The following SCARB2 variants were observed in gnomAD, a reference collection of about 807,000 sequenced individuals.
SCARB2 encodes lysosome membrane protein 2.
A neutral mutation model predicts 58.6 loss-of-function variants in SCARB2; 29 were observed. That is an observed-to-expected ratio of 0.49 (90% CI 0.37 to 0.67). SCARB2 has a LOEUF of 0.67. SCARB2 is among the 30% of genes least tolerant of loss of function. SCARB2 has a pLI of 0.00. For missense variants in SCARB2, 488 were observed against 578.5 expected, an observed-to-expected ratio of 0.84 and a Z score of 1.60; for synonymous variants, 195 against 210.1, an observed-to-expected ratio of 0.93 and a Z score of 0.62.
rs887605012 is a variant in SCARB2 at position 76,195,453 on chromosome 4, T to C, written c.275+254A>G. The C allele has an allele frequency of 1.1e-4, 58 of 508,384 alleles. No individual in the cohort carries two copies. In the East Asian group the frequency reaches 1.9e-3, roughly 17 times the overall value. The allele number at this position is 508,384 out of a possible 1,614,324, so 31.5% of individuals were successfully genotyped here. The stretch of plus-strand genomic sequence containing the variant: ...GGAGTAACCCTTCATGGTTTAATAA[T>C]CACAGTCTGCCAACTCAGGAGGAAA... On this transcript the variant is annotated intron_variant, in intron 2 of 11. Transcript: ENST00000264896.
At chr4:76,201,470 C>T (rs1053983759) in intron 1 of SCARB2, among the ~76,000 whole-genome samples, 9 of 152,154 alleles carry the variant, frequency 5.9e-5, no homozygotes, top group African/African-American at 2.2e-4. Flanking sequence ...CAGATGATAC[C>T]GCAGCGTAGA....
intron 11 of SCARB2, 134 bp from the exon 12 acceptor site, chr4:76,161,885 C>T: frequency 1.3e-6 from 1 of 793,698 alleles, no homozygotes; most frequent in South Asian, 1.4e-5. Flanking sequence ...TCACTCACCT[C>T]CCCTCTTGGG....
At chr4:76,170,971 T>TAA (rs1491373124) in intron 7 of SCARB2, among the ~76,000 whole-genome samples, 39 of 133,910 alleles carry the variant, frequency 2.9e-4, no homozygotes, top group African/African-American at 8.1e-4. Flanking sequence ...TATATATATA[T>TAA]AACCAAATAG....
intron 1 of SCARB2, among the ~76,000 whole-genome samples, chr4:76,232,203 G>A (rs1461320079): frequency 6.6e-6 from 1 of 152,100 alleles, no homozygotes; most frequent in Non-Finnish European, 1.5e-5. Context: ...AAACAAGGAT[G>A]AGCAATATTC....
At chr4:76,169,271 G>T (rs1732076201) in intron 8 of SCARB2, among the ~76,000 whole-genome samples, 1 of 150,736 alleles carries the variant, frequency 6.6e-6, no homozygotes, top group South Asian at 2.1e-4. Flanking sequence ...TGGTTAGCAT[G>T]GTTTTTGTTT....
intron 2 of SCARB2, among the ~76,000 whole-genome samples, chr4:76,190,586 C>A (rs1351684577): frequency 2.0e-5 from 3 of 152,058 alleles, no homozygotes; most frequent in Non-Finnish European, 2.9e-5. Flanking sequence ...GAGTTCGAGA[C>A]CAGCCTGGTC....
chr4:76,229,597 GATT>G (rs1207520136), intron 1 of SCARB2, among the ~76,000 whole-genome samples: 1 of 152,174 alleles, frequency 6.6e-6, no homozygotes, highest in African/African-American at 2.4e-5. Flanking sequence ...TGAACTGAAT[GATT>G]ATTATTGCTC....
intron 10 of SCARB2, chr4:76,165,476 A>T (rs571353855): frequency 7.9e-5 from 12 of 152,336 alleles, no homozygotes; most frequent in East Asian, 5.8e-4. Flanking sequence ...ATCAATTTTT[A>T]AAAAAATTTC....
chr4:76,194,049 C>T (rs997976326), intron 2 of SCARB2: 7 of 152,206 alleles, frequency 4.6e-5, no homozygotes, highest in Non-Finnish European at 7.3e-5. Flanking sequence ...TGACTTCTCA[C>T]GAGATCTTGT....
chr4:76,175,519 T>C (rs1732234714), intron 6 of SCARB2: 1 of 451,176 alleles, frequency 2.2e-6, no homozygotes, highest in African/African-American at 2.0e-5. Context: ...ATCTTTGTTT[T>C]ACAAATAAGG....
At chr4:76,208,226 T>C (rs144034941) in intron 1 of SCARB2, among the ~76,000 whole-genome samples, 392 of 152,352 alleles carry the variant, frequency 2.6e-3, no homozygotes, top group African/African-American at 8.9e-3. Context: ...TAGCCTACTA[T>C]ATTGTCTTAA....
chr4:76,225,672 GATGTGATGT>G (rs1733384439), intron 1 of SCARB2, among the ~76,000 whole-genome samples: 1 of 152,104 alleles, frequency 6.6e-6, no homozygotes, highest in African/African-American at 2.4e-5. Flanking sequence ...TAATTCTGTT[GATGTGATGT>G]ATCACACTTA....
intron 7 of SCARB2, among the ~76,000 whole-genome samples, chr4:76,172,376 C>T (rs965312369): frequency 1.3e-5 from 2 of 151,812 alleles, no homozygotes; most frequent in African/African-American, 2.4e-5. Flanking sequence ...CAGCCTCAGC[C>T]TCCTGGGTAT....
At chr4:76,169,231 C>A (rs1732075617) in intron 8 of SCARB2, among the ~76,000 whole-genome samples, 1 of 150,928 alleles carries the variant, frequency 6.6e-6, no homozygotes, top group Non-Finnish European at 1.5e-5. Context: ...TTTATTGGTC[C>A]ATAATGTTCA....
intron 1 of SCARB2, among the ~76,000 whole-genome samples, chr4:76,202,536 C>T (rs1464980753): frequency 6.6e-6 from 1 of 152,170 alleles, no homozygotes; most frequent in Admixed American, 6.5e-5. Flanking sequence ...GTTGAGATTA[C>T]AGGTGTGAGC....
chr4:76,204,312 A>G (rs144070223), intron 1 of SCARB2, among the ~76,000 whole-genome samples: 1,839 of 152,356 alleles, frequency 0.012, 24 homozygotes, highest in Non-Finnish European at 0.02. Context: ...CTCAGTAAAA[A>G]TGTATTGGCA....
At chr4:76,183,871 A>T (rs762610362) in intron 2 of SCARB2, among the ~76,000 whole-genome samples, 18 of 152,228 alleles carry the variant, frequency 1.2e-4, no homozygotes, top group Non-Finnish European at 2.4e-4. Context: ...AGCGATTCCA[A>T]GGATCTTAGG....
intron 1 of SCARB2, among the ~76,000 whole-genome samples, chr4:76,199,618 GTATTT>G (rs1423321266): frequency 6.6e-6 from 1 of 152,194 alleles, no homozygotes; most frequent in Non-Finnish European, 1.5e-5. Context: ...TGGTTGTCCT[GTATTT>G]TATTTTATTT....
At chr4:76,206,219 C>T (rs1404613845) in intron 1 of SCARB2, among the ~76,000 whole-genome samples, 1 of 152,140 alleles carries the variant, frequency 6.6e-6, no homozygotes, top group Non-Finnish European at 1.5e-5. Flanking sequence ...GACTTCCTAG[C>T]CTCCAGAACT....
Sources: allele counts gnomAD v4.1 joint callset (sites outside exome capture counted in the v4.1 genomes callset), GRCh38; gene constraint gnomAD v4.1.1; transcripts MANE v1.5; gene names NCBI Gene and HGNC (gene_info 2026-07-23, HGNC 2026-07-21).